DOCK4: variants seen among roughly 807,000 people sequenced by gnomAD.
DOCK4 encodes dedicator of cytokinesis protein 4.
Under a neutral mutation model 268.1 loss-of-function variants are expected in DOCK4, and 97 were observed. That is an observed-to-expected ratio of 0.36 (90% confidence interval 0.31 to 0.43). The LOEUF (loss-of-function observed/expected upper bound fraction) is 0.43. DOCK4 is among the 20% of genes least tolerant of loss of function. The pLI, the probability that DOCK4 is intolerant of heterozygous loss-of-function variation, is 1.00. For missense variants in DOCK4, 2,145 were observed against 2,455.7 expected (o/e 0.87, Z 2.67); for synonymous variants, 954 against 887.2 (o/e 1.08, Z -1.34).
intron 23 of DOCK4, among the ~76,000 whole-genome samples, chr7:111,862,026 T>G (rs1252105643): frequency 6.6e-6 from 1 of 151,978 alleles, no homozygotes; most frequent in African/African-American, 2.4e-5. Context: ...CAAGGCCGGG[T>G]GCGGTGACTC....
rs1289965977 is a variant in DOCK4, at chr7:111,746,398, T to C, written c.4613A>G (p.Tyr1538Cys). 2 of 1,611,436 alleles carry C rather than the reference T, an allele frequency of 1.2e-6. No individual in the cohort carries two copies. Among genetic ancestry groups the C allele is most frequent in the Non-Finnish European group, 1.7e-6 (2 of 1,178,560 alleles). ...CCCATCTTCAGGGTGACTTAAGATA[T>C]ATTCTTTGACAAAGAATGCCTAGTA... ...RYQEAFFVKE[Y>C]ILSHPEDGEK... The change falls in exon 44 of 53, where the codon TAT (tyrosine) becomes TGT (cysteine). Residue 1538 changes from tyrosine to cysteine, a missense_variant. Transcript: ENST00000428084.
In DOCK4 at chr7:111,828,685, C is replaced by T. The variant is rs932597332; in HGVS notation, c.2835+5903G>A. ...CTACAGCAATATGGGTACAAGTCCA[C>T]AGAAAGAGGTGTATCAAGATGTTTA... On this transcript the variant is annotated intron_variant, in intron 26 of 52. Coordinates refer to ENST00000428084, the MANE Select transcript of DOCK4 (RefSeq NM_001363540.2). Among the ~76,000 whole-genome samples, 7 of 151,832 alleles carry T rather than the reference C, an allele frequency of 4.6e-5. No homozygotes were observed. In the East Asian group the frequency reaches 1.3e-3, roughly 29 times the overall value.
At chr7:111,953,647 T>A (rs766807386) in intron 8 of DOCK4, 1 of 152,188 alleles carries the variant, frequency 6.6e-6, no homozygotes, top group Non-Finnish European at 1.5e-5. Flanking sequence ...ATGCATAGAT[T>A]TACAAAAACA....
intron 1 of DOCK4, among the ~76,000 whole-genome samples, chr7:112,201,827 T>C (rs1285598356): frequency 6.6e-6 from 1 of 152,134 alleles, no homozygotes; most frequent in East Asian, 1.9e-4. Context: ...ACTTTGATCA[T>C]CATCTCCACT....
intron 30 of DOCK4, among the ~76,000 whole-genome samples, chr7:111,795,429 A>C (rs2133829095): frequency 6.6e-6 from 1 of 152,330 alleles, no homozygotes; most frequent in South Asian, 2.1e-4. Context: ...TGAAAAGAAG[A>C]AATAGGCTTG....
chr7:112,162,571 C>T (rs1817233288), intron 1 of DOCK4, among the ~76,000 whole-genome samples: 1 of 151,804 alleles, frequency 6.6e-6, no homozygotes, highest in Admixed American at 6.6e-5. Context: ...ACCCCACTCC[C>T]CTCTCTCTTT....
intron 30 of DOCK4, among the ~76,000 whole-genome samples, chr7:111,795,774 T>C (rs1282143793): frequency 6.6e-6 from 1 of 152,164 alleles, no homozygotes; most frequent in African/African-American, 2.4e-5. Context: ...AATATGGTGA[T>C]AAGGAAGAGA....
At chr7:112,060,002 C>T (rs1305067040) in intron 1 of DOCK4, among the ~76,000 whole-genome samples, 3 of 152,142 alleles carry the variant, frequency 2.0e-5, no homozygotes, top group East Asian at 3.8e-4. Flanking sequence ...AGAAGCATGT[C>T]CAAGGTGGCA....
intron 1 of DOCK4, among the ~76,000 whole-genome samples, chr7:112,084,136 G>A (rs1808844009): frequency 6.6e-6 from 1 of 152,190 alleles, no homozygotes; most frequent in Non-Finnish European, 1.5e-5. Context: ...GCAGCATGAA[G>A]TAGAGTCATG....
intron 1 of DOCK4, among the ~76,000 whole-genome samples, chr7:112,187,367 T>C (rs558443610): frequency 3.3e-5 from 5 of 152,320 alleles, no homozygotes; most frequent in Admixed American, 2.6e-4. Flanking sequence ...ATTGTCTACA[T>C]GCGAATAATT....
At chr7:111,847,245 A>T in intron 23 of DOCK4, 119 bp from the exon 24 acceptor site, 1 of 1,261,968 alleles carries the variant, frequency 7.9e-7, no homozygotes, top group East Asian at 2.5e-5. Context: ...ATGTAGTTAC[A>T]AAGGTATTAG....
chr7:111,740,169 G>C, intron 47 of DOCK4: 1 of 407,706 alleles, frequency 2.5e-6, no homozygotes. Context: ...ACATGCTCTC[G>C]GCTCACTGCA....
rs368057221 is a variant in DOCK4 at position 111,915,762 on chromosome 7, C to A, written c.1192+17G>T. ...ATACCCATATTTCATCATATCGGTA[C>A]GTCCCAAGTCACCTACCAGGCATAA... On this transcript the variant is annotated intron_variant, in intron 13 of 52. Coordinates refer to ENST00000428084, the MANE Select transcript of DOCK4 (RefSeq NM_001363540.2). 2 of 1,610,748 alleles carry A rather than the reference C, an allele frequency of 1.2e-6. No individual in the cohort carries two copies. The highest frequency in any genetic ancestry group is 1.7e-4 in the Middle Eastern group (1 of 6,054).
intron 1 of DOCK4, among the ~76,000 whole-genome samples, chr7:112,134,890 T>A (rs1465586581): frequency 6.6e-6 from 1 of 152,106 alleles, no homozygotes; most frequent in Non-Finnish European, 1.5e-5. Context: ...TTTCTCAGAA[T>A]AAAAATAATA....
At chr7:112,000,387 C>A in intron 3 of DOCK4, 107 bp downstream of exon 3, 3 of 711,768 alleles carry the variant, frequency 4.2e-6, no homozygotes, top group South Asian at 2.2e-5. Context: ...TATCATTTGG[C>A]ATTTCAACTG....
Position 112,093,878 on chromosome 7 carries a change from G to C in DOCK4, c.38-89747C>G, listed in dbSNP as rs568627008. 1.5e-3 allele frequency among the ~76,000 whole-genome samples: 197 copies of C among 129,478 alleles called. 1 individual carries two copies. The highest frequency in any genetic ancestry group is 2.6e-3 in the Admixed American group (33 of 12,656). 84.9% of individuals were successfully genotyped at this position (129,478 alleles called of 152,430 possible). A position where few individuals can be genotyped will look rare whatever the true frequency, so the allele number is the denominator to read the frequency against. On this transcript the variant is annotated intron_variant, in intron 1 of 52. Coordinates refer to ENST00000428084, the MANE Select transcript of DOCK4 (RefSeq NM_001363540.2). ...AATTAATGGCTCTCTGACATATAAGGAAAAAAAAAAAAAACAGAAAAAGCA... is the reference window on the plus strand; with the variant it reads ...AATTAATGGCTCTCTGACATATAAGCAAAAAAAAAAAAAACAGAAAAAGCA...
intron 13 of DOCK4, among the ~76,000 whole-genome samples, chr7:111,907,171 C>T (rs1038121495): frequency 1.3e-5 from 2 of 152,142 alleles, no homozygotes; most frequent in African/African-American, 4.8e-5. Flanking sequence ...ACAAGATACA[C>T]TTGAGTAAAA....
rs553821585 is a variant in DOCK4 at position 111,969,287 on chromosome 7, G to A, written c.701+7845C>T. On this transcript the variant is annotated intron_variant, in intron 8 of 52. Coordinates refer to ENST00000428084, the MANE Select transcript of DOCK4 (RefSeq NM_001363540.2). ...AAAAAGAATGTTTTCTATTCTTATG[G>A]CTCCAGCTTCCAATTCTGTATGAAA... 2.7e-5 allele frequency among the ~76,000 whole-genome samples: 4 copies of A among 150,670 alleles called. No individual in the cohort carries two copies. In the South Asian group the frequency reaches 6.3e-4, roughly 24 times the overall value.
At chr7:111,810,577 T>C (rs1425583154) in intron 28 of DOCK4, among the ~76,000 whole-genome samples, 1 of 152,124 alleles carries the variant, frequency 6.6e-6, no homozygotes, top group Admixed American at 6.5e-5. Flanking sequence ...GCAAACAGGA[T>C]TTTTCTCTTT....
Sources: gnomAD v4.1 joint callset for allele counts (sites outside exome capture counted in the v4.1 genomes callset) on GRCh38, gnomAD v4.1.1 for gene constraint, MANE v1.5 for transcripts, NCBI Gene and HGNC (gene_info 2026-07-23, HGNC 2026-07-21) for gene names.